REV1: variants seen among roughly 807,000 people sequenced by gnomAD.
The protein encoded by REV1 is translesion synthesis protein REV1.
Under a neutral mutation model 137.4 loss-of-function variants are expected in REV1, and 42 were observed. That is an observed-to-expected ratio of 0.31 (90% CI 0.24 to 0.40). The LOEUF is 0.40. Ranked by LOEUF, REV1 falls within the 10% of genes least tolerant of loss-of-function variation. The probability of loss-of-function intolerance (pLI) is 1.00; values close to 1 mark genes in which losing one functional copy is unlikely to be tolerated. For synonymous variants in REV1, 524 were observed against 519.2 expected (o/e 1.01, Z -0.12); for missense variants, 1,282 against 1,490.1 (o/e 0.86, Z 2.30).
intron 3 of REV1, among the ~76,000 whole-genome samples, chr2:99,453,413 A>G (rs146911551): frequency 1.1e-4 from 17 of 152,144 alleles, no homozygotes; most frequent in African/African-American, 4.1e-4. Context: ...TATTATTTTT[A>G]CCATTTCTTA....
chr2:99,434,598 G>T, intron 7 of REV1, 150 bp from the exon 8 acceptor site: 1 of 458,804 alleles, frequency 2.2e-6, no homozygotes. Flanking sequence ...ATACTTTAAA[G>T]ATTATCAATC....
chr2:99,418,551 C>T (rs1678200118), intron 12 of REV1, among the ~76,000 whole-genome samples: 1 of 152,150 alleles, frequency 6.6e-6, no homozygotes, highest in Non-Finnish European at 1.5e-5. Context: ...CATCATCCTC[C>T]CTTTTAACAT....
intron 9 of REV1, among the ~76,000 whole-genome samples, chr2:99,425,649 A>T (rs1679237895): frequency 6.6e-6 from 1 of 152,252 alleles, no homozygotes; most frequent in Admixed American, 6.5e-5. Context: ...TCTGGTGTTG[A>T]AAAGGGTAAA....
intron 15 of REV1, among the ~76,000 whole-genome samples, chr2:99,407,722 T>C (rs566456148): frequency 3.8e-4 from 58 of 152,304 alleles, no homozygotes; most frequent in African/African-American, 1.3e-3. Context: ...AATTTATGTA[T>C]TCATATTCCT....
Position 99,408,115 on chromosome 2 carries a change from G to C in REV1, c.2362C>G (p.Gln788Glu), listed in dbSNP as rs1431874554. ...ATTATTTTTGCATTATCTGTTGCCT[G>C]GTCAAGAGTTACAGTCCTGTAAGTG... ...DNIARTVTLD[Q>E]ATDNAKIIGK... Residue 788 changes from glutamine to glutamate, a missense_variant, in exon 15 of 23, where the codon CAG becomes GAG. Gln to Glu is a conservative substitution (Grantham distance 29). Transcript: ENST00000258428. 3 of 1,606,112 alleles carry C rather than the reference G, an allele frequency of 1.9e-6. No individual in the cohort carries two copies. The highest frequency in any genetic ancestry group is 3.4e-5 in the Admixed American group (2 of 59,258).
chr2:99,438,896 G>T lies in REV1; in HGVS notation c.918C>A (p.Asn306Lys), dbSNP rs1041584656. The T allele has an allele frequency of 6.2e-7, 1 of 1,614,070 alleles. No homozygotes were observed. Among genetic ancestry groups the T allele is most frequent in the African/African-American group, 1.3e-5 (1 of 74,936 alleles). ...AGTGGTGAGCACCATTGATTTTAGT[G>T]TTACTGTGCAAAGGTGATAATGAGA... ...NSFSLSPLHS[N>K]TKINGAHHST... Residue 306 changes from asparagine (N) to lysine (K), a missense_variant, in exon 6 of 23, where the codon AAC becomes AAA. Physicochemically the swap from Asn to Lys is moderately conservative, Grantham distance 94. This residue lies in a region of REV1 where 432 missense variants were observed against 438.0 expected (regional missense o/e 0.99). Coordinates refer to ENST00000258428, the MANE Select transcript of REV1 (RefSeq NM_016316.4).
At chr2:99,474,050 C>T (rs1032263339) in intron 1 of REV1, among the ~76,000 whole-genome samples, 4 of 152,188 alleles carry the variant, frequency 2.6e-5, no homozygotes, top group Non-Finnish European at 5.9e-5. Context: ...AAGAATTACC[C>T]AAATTCCTAC....
At chr2:99,432,623 A>T (rs368035045) in intron 8 of REV1, among the ~76,000 whole-genome samples, 1 of 152,244 alleles carries the variant, frequency 6.6e-6, no homozygotes, top group African/African-American at 2.4e-5. Context: ...TTAAAGTAAG[A>T]GTATAAAATA....
chr2:99,405,640 CAG>C, intron 17 of REV1: 1 of 278,570 alleles, frequency 3.6e-6, no homozygotes. Flanking sequence ...ACCACTGTCA[CAG>C]ACAATGGCAG....
intron 12 of REV1, among the ~76,000 whole-genome samples, chr2:99,415,973 G>A (rs1267068381): frequency 6.6e-6 from 1 of 152,270 alleles, no homozygotes; most frequent in East Asian, 1.9e-4. Context: ...ATTTATTAGT[G>A]TAATACACAA....
intron 6 of REV1, among the ~76,000 whole-genome samples, chr2:99,436,264 A>C (rs1440850810): frequency 6.6e-6 from 1 of 152,212 alleles, no homozygotes; most frequent in Non-Finnish European, 1.5e-5. Context: ...TGCAATCTAC[A>C]AACGCGCCTG....
intron 2 of REV1, among the ~76,000 whole-genome samples, chr2:99,464,447 T>A (rs1684584742): frequency 6.6e-6 from 1 of 152,240 alleles, no homozygotes; most frequent in Non-Finnish European, 1.5e-5. Flanking sequence ...TTTTCAAAGC[T>A]TATTTCCATA....
At chr2:99,459,035 C>T (rs1194717193) in intron 3 of REV1, among the ~76,000 whole-genome samples, 13 of 152,068 alleles carry the variant, frequency 8.5e-5, no homozygotes, top group Admixed American at 5.9e-4. Context: ...GGTGAAACCC[C>T]GTCTCTACTA....
At chr2:99,429,696 G>A (rs974505463) in intron 9 of REV1, 144 bp downstream of exon 9, 10 of 521,936 alleles carry the variant, frequency 1.9e-5, no homozygotes, top group African/African-American at 1.3e-4. Flanking sequence ...GTTGTGGGGG[G>A]CATAGATGAG....
chr2:99,459,144 C>T (rs1339867240), intron 3 of REV1, among the ~76,000 whole-genome samples: 1 of 151,088 alleles, frequency 6.6e-6, no homozygotes, highest in Admixed American at 6.6e-5. Flanking sequence ...GGAGGCAGAG[C>T]TTGCAGTGAG....
chr2:99,485,168 T>G (rs1687011753), intron 1 of REV1, among the ~76,000 whole-genome samples: 1 of 152,162 alleles, frequency 6.6e-6, no homozygotes, highest in Admixed American at 6.5e-5. Context: ...TAAGGACAAG[T>G]GAATTTAAAA....
At chr2:99,457,687 G>GAA (rs371360329) in intron 3 of REV1, among the ~76,000 whole-genome samples, 32 of 115,378 alleles carry the variant, frequency 2.8e-4, no homozygotes, top group South Asian at 1.0e-3. Context: ...CCTGTCTCAA[G>GAA]AAAAAAAAAA....
intron 1 of REV1, among the ~76,000 whole-genome samples, chr2:99,483,824 A>T (rs1559428090): frequency 1.3e-5 from 2 of 152,124 alleles, no homozygotes; most frequent in South Asian, 4.1e-4. Context: ...CTAGGGTCTC[A>T]TCTTATTTCT....
At chr2:99,408,644 A>ATT (rs1230567750) in intron 14 of REV1, among the ~76,000 whole-genome samples, 1 of 152,194 alleles carries the variant, frequency 6.6e-6, no homozygotes, top group African/African-American at 2.4e-5. Context: ...TTAGATCTTT[A>ATT]AGAACTCTTG....
Sources: allele counts gnomAD v4.1 joint callset (sites outside exome capture counted in the v4.1 genomes callset), GRCh38; gene constraint gnomAD v4.1.1; regional missense constraint gnomAD v4.1.1; transcripts MANE v1.5; gene names NCBI Gene and HGNC (gene_info 2026-07-23, HGNC 2026-07-21).